GNA12: variants seen among roughly 807,000 people sequenced by gnomAD.
The protein encoded by GNA12 is G protein subunit alpha 12.
GNA12 carries 9 observed loss-of-function variants against 26.0 expected under a neutral mutation model. That is an observed-to-expected ratio of 0.35 (90% CI 0.21 to 0.60). The LOEUF (loss-of-function observed/expected upper bound fraction) is 0.60, where lower values mean the gene tolerates loss of function less well. Among genes scored for constraint, GNA12 ranks in the 20% least tolerant of loss-of-function variants. The pLI is 0.78. For missense variants in GNA12, 405 were observed against 525.8 expected, an observed-to-expected ratio of 0.77 and a Z score of 2.25; for synonymous variants, 264 against 219.6, an observed-to-expected ratio of 1.20 and a Z score of -1.79.
intron 2 of GNA12, among the ~76,000 whole-genome samples, chr7:2,754,557 A>C (rs1791199007): frequency 6.6e-6 from 1 of 151,412 alleles, no homozygotes; most frequent in Admixed American, 6.6e-5. Context: ...AACCTGGGCA[A>C]CATAGTGAGA....
intron 2 of GNA12, among the ~76,000 whole-genome samples, chr7:2,737,274 G>GTTTTGTTTTGTTTTGTTTTTTTTTT (rs1790242698): frequency 2.9e-5 from 1 of 35,032 alleles, no homozygotes; most frequent in African/African-American, 9.9e-5. Context: ...GTTTTGTTTT[G>GTTTTGTTTTGTTTTGTTTTTTTTTT]TTTTTTTTTT....
At chr7:2,787,371 C>T (rs915981223) in intron 2 of GNA12, among the ~76,000 whole-genome samples, 2 of 152,182 alleles carry the variant, frequency 1.3e-5, no homozygotes, top group African/African-American at 4.8e-5. Flanking sequence ...TTCCTAAGTC[C>T]TTCCGGCAGC....
intron 2 of GNA12, among the ~76,000 whole-genome samples, chr7:2,747,751 T>A (rs1790836922): frequency 6.6e-6 from 1 of 152,236 alleles, no homozygotes; most frequent in African/African-American, 2.4e-5. Context: ...GCAGACGACA[T>A]GATTGTATAT....
chr7:2,748,874 A>C (rs1251090760), intron 2 of GNA12, among the ~76,000 whole-genome samples: 1 of 152,248 alleles, frequency 6.6e-6, no homozygotes, highest in South Asian at 2.1e-4. Context: ...ACTTCTCAAA[A>C]AAAGACATTT....
rs372347965 is a variant in GNA12 at position 2,823,659 on chromosome 7, AATGTCAAAGG to A, written c.309+20184_309+20193del. Among the ~76,000 whole-genome samples the A allele has an allele frequency of 1.7e-3, 257 of 152,300 alleles. 1 individual carries two copies. The highest frequency in any genetic ancestry group is 5.9e-3 in the African/African-American group (244 of 41,566). On this transcript the variant is annotated intron_variant, in intron 1 of 3. Transcript: ENST00000275364. ...CAGGAAAAATAAAAATGCAATACTC[AATGTCAAAGG>A]ATCTTTCATTCTAGTTGGCTAGGCA... is the stretch of plus-strand genomic sequence containing the variant.
intron 1 of GNA12, chr7:2,814,981 G>A: frequency 6.4e-7 from 1 of 1,551,780 alleles, no homozygotes; most frequent in Non-Finnish European, 8.7e-7. Flanking sequence ...TGGCTGACAA[G>A]GACGTCACTG....
chr7:2,822,657 GA>G (rs1793394513), intron 1 of GNA12, among the ~76,000 whole-genome samples: 1 of 152,128 alleles, frequency 6.6e-6, no homozygotes. Context: ...TGTTTCTACA[GA>G]AAAATTAGCC....
chr7:2,796,052 A>AG (rs565951327), intron 1 of GNA12, among the ~76,000 whole-genome samples: 7 of 151,868 alleles, frequency 4.6e-5, no homozygotes, highest in African/African-American at 4.8e-5. Context: ...TTTAGTAGAG[A>AG]GGGGGGTTCC....
In GNA12 at chr7:2,784,499, T is replaced by C. The variant is rs557977607; in HGVS notation, c.525+10429A>G. On this transcript the variant is annotated intron_variant, in intron 2 of 3. Transcript: ENST00000275364. Reference sequence around the variant, plus strand: ...TGCCAAAGAATAGAATAACACTTTATGTTTTGACACAAACTGTGGAACTTC... The same window carrying C: ...TGCCAAAGAATAGAATAACACTTTACGTTTTGACACAAACTGTGGAACTTC... 2.0e-5 allele frequency among the ~76,000 whole-genome samples: 3 copies of C among 152,382 alleles called. No individual in the cohort carries two copies. In the South Asian group the frequency reaches 6.2e-4, roughly 32 times the overall value.
In GNA12 at chr7:2,814,646, T is replaced by C. The variant is rs867436959; in HGVS notation, c.310-19503A>G. ...TTTCCTTTTCCTGCCTTTTTTTTTTTTTTTTCGTGGCATAGAATCTCAGAG... is the reference window on the plus strand; with the variant it reads ...TTTCCTTTTCCTGCCTTTTTTTTTTCTTTTTCGTGGCATAGAATCTCAGAG... On this transcript the variant is annotated intron_variant, in intron 1 of 3. Coordinates refer to ENST00000275364, the MANE Select transcript of GNA12 (RefSeq NM_007353.3). Among the ~76,000 whole-genome samples the C allele has an allele frequency of 3.0e-3, 458 of 151,772 alleles. 1 individual carries two copies. The highest frequency in any genetic ancestry group is 0.027 in the Middle Eastern group (8 of 292).
intron 2 of GNA12, among the ~76,000 whole-genome samples, chr7:2,740,012 C>G (rs1413319238): frequency 6.6e-6 from 1 of 152,146 alleles, no homozygotes; most frequent in Non-Finnish European, 1.5e-5. Flanking sequence ...TGAAGACCAC[C>G]AAGCTGTTCT....
chr7:2,831,207 A>T (rs1212185667), intron 1 of GNA12, among the ~76,000 whole-genome samples: 1 of 151,814 alleles, frequency 6.6e-6, no homozygotes, highest in Non-Finnish European at 1.5e-5. Flanking sequence ...ATAAGTACTG[A>T]TAAGAAAGTA....
chr7:2,755,484 A>G (rs1257856400), intron 2 of GNA12, among the ~76,000 whole-genome samples: 2 of 152,196 alleles, frequency 1.3e-5, no homozygotes, highest in African/African-American at 4.8e-5. Flanking sequence ...ACACCACAGT[A>G]TTTCATTTTT....
At chr7:2,732,039 A>G (rs1789924016) in intron 3 of GNA12, among the ~76,000 whole-genome samples, 1 of 152,198 alleles carries the variant, frequency 6.6e-6, no homozygotes, top group Non-Finnish European at 1.5e-5. Context: ...TCTCCAGAGG[A>G]AATTTACCAT....
At chr7:2,738,584 C>A (rs1347328137) in intron 2 of GNA12, among the ~76,000 whole-genome samples, 2 of 151,904 alleles carry the variant, frequency 1.3e-5, no homozygotes, top group African/African-American at 4.8e-5. Flanking sequence ...GAAAAGGAAA[C>A]GTGGATACAC....
At chr7:2,803,093 A>G (rs1344651592) in intron 1 of GNA12, among the ~76,000 whole-genome samples, 4 of 98,252 alleles carry the variant, frequency 4.1e-5, no homozygotes, top group Non-Finnish European at 9.8e-5. Context: ...TGGGTAACGA[A>G]TGGGGAAAAC....
intron 1 of GNA12, among the ~76,000 whole-genome samples, chr7:2,818,747 A>G (rs1412018814): frequency 1.4e-5 from 2 of 147,310 alleles, no homozygotes; most frequent in African/African-American, 2.5e-5. Context: ...TGGGTGACAG[A>G]GACCCTAACT....
At chr7:2,753,797 G>GTT (rs1219771116) in intron 2 of GNA12, among the ~76,000 whole-genome samples, 2 of 152,048 alleles carry the variant, frequency 1.3e-5, no homozygotes, top group Non-Finnish European at 2.9e-5. Context: ...TGTGCCATAA[G>GTT]TTTTTGTTTC....
intron 1 of GNA12, among the ~76,000 whole-genome samples, chr7:2,800,188 A>G (rs1389586852): frequency 6.6e-6 from 1 of 152,252 alleles, no homozygotes; most frequent in Non-Finnish European, 1.5e-5. Flanking sequence ...AACAACTTGG[A>G]TGAAGCTCTA....
Sources: gnomAD v4.1 joint callset for allele counts (sites outside exome capture counted in the v4.1 genomes callset) on GRCh38, gnomAD v4.1.1 for gene constraint, MANE v1.5 for transcripts, NCBI Gene and HGNC (gene_info 2026-07-23, HGNC 2026-07-21) for gene names.